FGFR2: variants seen among roughly 807,000 people sequenced by gnomAD.
FGFR2 encodes BEK fibroblast growth factor receptor.
In FGFR2, 19 loss-of-function variants were observed where a neutral mutation model predicts 95.9. That is an observed-to-expected ratio of 0.20 (90% CI 0.14 to 0.29). The LOEUF is 0.29. Among genes scored for constraint, FGFR2 ranks in the 10% least tolerant of loss-of-function variants. The pLI is 1.00. For synonymous variants in FGFR2, 392 were observed against 393.3 expected, an observed-to-expected ratio of 1.00 and a Z score of 0.04; for missense variants, 707 against 1,056.9, an observed-to-expected ratio of 0.67 and a Z score of 4.59.
At chr10:121,507,809 T>TG (rs1283096914) in intron 9 of FGFR2, among the ~76,000 whole-genome samples, 4 of 152,158 alleles carry the variant, frequency 2.6e-5, no homozygotes, top group Non-Finnish European at 5.9e-5. Context: ...CTGGGTAACT[T>TG]GGAGCGTTTG....
At chr10:121,537,135 A>G (rs1183402844) in intron 6 of FGFR2, among the ~76,000 whole-genome samples, 2 of 152,204 alleles carry the variant, frequency 1.3e-5, no homozygotes, top group African/African-American at 2.4e-5. Flanking sequence ...AACATGCCAC[A>G]TGTTTTCTCT....
chr10:121,546,894 T>C (rs1364716704), intron 5 of FGFR2, among the ~76,000 whole-genome samples: 3 of 152,186 alleles, frequency 2.0e-5, no homozygotes, highest in Non-Finnish European at 1.5e-5. Flanking sequence ...GAAAAATGTA[T>C]CTTGGAAAAC....
At chr10:121,512,147 C>A (rs1439651840) in intron 9 of FGFR2, among the ~76,000 whole-genome samples, 2 of 152,148 alleles carry the variant, frequency 1.3e-5, no homozygotes, top group Non-Finnish European at 2.9e-5. Flanking sequence ...TAGAAACAAC[C>A]CATCCTTGAC....
In FGFR2 at chr10:121,524,141, CACA is replaced by C. The variant is rs1252949459; in HGVS notation, c.749-3975_749-3973del. ...ACACACACACACACACACACACACA[CACA>C]CACCCCAAGTTTGCAATGGTTTAAT... On this transcript the variant is annotated intron_variant, in intron 6 of 17. Transcript: ENST00000358487. Among the ~76,000 whole-genome samples, 308 of 144,692 alleles carry C rather than the reference CACA, an allele frequency of 2.1e-3. 1 individual carries two copies. Among genetic ancestry groups the C allele is most frequent in the Middle Eastern group, 3.6e-3 (1 of 274 alleles). 94.9% of individuals were successfully genotyped at this position (144,692 alleles called of 152,430 possible).
chr10:121,535,158 AC>A (rs1852654272), intron 6 of FGFR2, among the ~76,000 whole-genome samples: 1 of 152,186 alleles, frequency 6.6e-6, no homozygotes, highest in Admixed American at 6.5e-5. Flanking sequence ...AAGGACAGCT[AC>A]CAGAAGCTGG....
In FGFR2 at chr10:121,556,433, C is replaced by CTCTA. The variant is rs60584824; in HGVS notation, c.455-4975_455-4974insTAGA. On this transcript the variant is annotated intron_variant, in intron 4 of 17. Transcript: ENST00000358487. ...TCTCTCTCTCTCTCTCTCTCTCTCT[C>CTCTA]TGGAACCAAAAAACAGAGAACACGG... Among the ~76,000 whole-genome samples, 709 of 140,704 alleles carry CTCTA rather than the reference C, an allele frequency of 5.0e-3. 26 individuals carry two copies. The highest frequency in any genetic ancestry group is 0.018 in the African/African-American group (688 of 37,216). The allele number at this position is 140,704 out of a possible 152,430, so 92.3% of individuals were successfully genotyped here.
chr10:121,532,882 T>C (rs1476619634), intron 6 of FGFR2, among the ~76,000 whole-genome samples: 2 of 152,204 alleles, frequency 1.3e-5, no homozygotes, highest in Non-Finnish European at 2.9e-5. Flanking sequence ...TGTCCTATCA[T>C]GTCTGGGGCT....
At chr10:121,552,971 G>A (rs1334038539) in intron 4 of FGFR2, among the ~76,000 whole-genome samples, 1 of 152,172 alleles carries the variant, frequency 6.6e-6, no homozygotes. Flanking sequence ...TTCTACGGGT[G>A]TAGAGCACGT....
At chr10:121,532,072 C>A (rs943019493) in intron 6 of FGFR2, among the ~76,000 whole-genome samples, 4 of 152,124 alleles carry the variant, frequency 2.6e-5, no homozygotes, top group African/African-American at 7.2e-5. Context: ...ATGCAGAGCC[C>A]GTGTCAGGGT....
intron 2 of FGFR2, among the ~76,000 whole-genome samples, chr10:121,570,587 G>A (rs1858502796): frequency 1.3e-5 from 2 of 152,242 alleles, no homozygotes; most frequent in African/African-American, 2.4e-5. Context: ...TTTCCTGTGC[G>A]AATCCACCAG....
chr10:121,558,410 G>A (rs1438166976), intron 4 of FGFR2, among the ~76,000 whole-genome samples: 1 of 152,190 alleles, frequency 6.6e-6, no homozygotes, highest in Non-Finnish European at 1.5e-5. Context: ...GGCTTGTAAT[G>A]ACATCACAGG....
intron 10 of FGFR2, 32 bp downstream of exon 10, chr10:121,503,758 C>T (rs2134051344): frequency 6.2e-7 from 1 of 1,613,582 alleles, no homozygotes; most frequent in Non-Finnish European, 8.5e-7. Context: ...GCTGAGTCTC[C>T]ATCCTGGGAC....
At chr10:121,555,923 C>T (rs565180818) in intron 4 of FGFR2, among the ~76,000 whole-genome samples, 67 of 152,170 alleles carry the variant, frequency 4.4e-4, no homozygotes, top group Non-Finnish European at 8.8e-4. Context: ...CTTTATTATT[C>T]CCACCCTAGA....
chr10:121,565,374 A>C, intron 3 of FGFR2, 64 bp downstream of exon 3: 1 of 1,605,574 alleles, frequency 6.2e-7, no homozygotes, highest in Non-Finnish European at 8.5e-7. Flanking sequence ...CTACCTTTTC[A>C]CTTGGCCAAA....
At chr10:121,527,417 C>T (rs1564931848) in intron 6 of FGFR2, among the ~76,000 whole-genome samples, 2 of 152,220 alleles carry the variant, frequency 1.3e-5, no homozygotes, top group African/African-American at 2.4e-5. Flanking sequence ...GCCAAATTTA[C>T]GTTCGAAATT....
At chr10:121,515,050 A>G in intron 9 of FGFR2, 67 bp downstream of exon 9, 4 of 1,476,156 alleles carry the variant, frequency 2.7e-6, no homozygotes, top group Non-Finnish European at 3.8e-6. Context: ...AAAGCAGAGG[A>G]CAAGATCCAC....
At chr10:121,499,801 A>G (rs1260992559) in intron 11 of FGFR2, among the ~76,000 whole-genome samples, 1 of 152,248 alleles carries the variant, frequency 6.6e-6, no homozygotes, top group Admixed American at 6.5e-5. Flanking sequence ...ATCAGGCTCC[A>G]AGGTGGGGAA....
At chr10:121,541,209 T>C (rs1325199924) in intron 5 of FGFR2, among the ~76,000 whole-genome samples, 1 of 152,194 alleles carries the variant, frequency 6.6e-6, no homozygotes, top group African/African-American at 2.4e-5. Context: ...ACTAGATCAA[T>C]ATTGCCCCAT....
chr10:121,537,702 T>C (rs543794776), intron 6 of FGFR2, among the ~76,000 whole-genome samples: 4 of 94,796 alleles, frequency 4.2e-5, no homozygotes, highest in Non-Finnish European at 6.2e-5. Context: ...GCAACCTGTA[T>C]TTAGGGGAGG....
Sources: gnomAD v4.1 joint callset for allele counts (sites outside exome capture counted in the v4.1 genomes callset) on GRCh38, gnomAD v4.1.1 for gene constraint, MANE v1.5 for transcripts, NCBI Gene and HGNC (gene_info 2026-07-23, HGNC 2026-07-21) for gene names.